Variants in POTEF observed in about 807,000 individuals in gnomAD.
POTEF encodes the protein POTE ankyrin domain family member F.
A neutral mutation model predicts 83.2 loss-of-function variants in POTEF; 20 were observed. The observed-to-expected ratio is 0.24, with a 90% CI of 0.17 to 0.35. The LOEUF (loss-of-function observed/expected upper bound fraction) is 0.35. Ranked by LOEUF, POTEF falls within the 10% of genes least tolerant of loss-of-function variation. The pLI, the probability that POTEF is intolerant of heterozygous loss-of-function variation, is 1.00. For synonymous variants in POTEF, 196 were observed against 446.4 expected, an observed-to-expected ratio of 0.44 and a Z score of 7.07; for missense variants, 550 against 1,203.2, an observed-to-expected ratio of 0.46 and a Z score of 8.03.
chr2:130,101,156 C>T (rs1451219888), intron 9 of POTEF, among the ~76,000 whole-genome samples: 5 of 136,478 alleles, frequency 3.7e-5, no homozygotes, highest in South Asian at 4.6e-4. Context: ...TGAGCCCCTA[C>T]AGTGCACTGA....
At chr2:130,121,441 G>A (rs1278479295) in intron 2 of POTEF, among the ~76,000 whole-genome samples, 275 of 114,390 alleles carry the variant, frequency 2.4e-3, no homozygotes, top group Middle Eastern at 3.9e-3. Context: ...GCAGCTGGGA[G>A]CTCGGGCTGA....
intron 2 of POTEF, among the ~76,000 whole-genome samples, chr2:130,123,478 T>C (rs1423368509): frequency 6.6e-6 from 1 of 152,066 alleles, no homozygotes; most frequent in Non-Finnish European, 1.5e-5. Flanking sequence ...GTCACACAGT[T>C]AATCCAGAAT....
chr2:130,100,934 T>G (rs1449636631), intron 9 of POTEF, among the ~76,000 whole-genome samples: 4 of 148,924 alleles, frequency 2.7e-5, no homozygotes, highest in Non-Finnish European at 5.9e-5. Context: ...ACTGCCACAT[T>G]ACTGGCTTCT....
chr2:130,107,403 C>A (rs1183933708), intron 8 of POTEF, among the ~76,000 whole-genome samples: 2 of 150,852 alleles, frequency 1.3e-5, no homozygotes, highest in Non-Finnish European at 2.9e-5. Flanking sequence ...CTTTTGTGAT[C>A]AAAAATTCCT....
In POTEF at chr2:130,075,108, G is replaced by A. The variant is rs1360818353; in HGVS notation, c.2364C>T (p.His788=). Residue 788 remains histidine (H), a synonymous_variant, in exon 17 of 17, where the codon CAC becomes CAT. Transcript: ENST00000409914. The part of the protein sequence containing the change: ...NWDDMEKIWH[H]TFYNELRVAP... ...CCACACGCAGCTCGTTGTAGAAGGT[G>A]TGGTGCCAGATCTTCTCCATGTCAT... 1 of 1,613,762 alleles carries A rather than the reference G, an allele frequency of 6.2e-7. No homozygotes were observed. The highest frequency in any genetic ancestry group is 1.3e-5 in the African/African-American group (1 of 74,852).
intron 8 of POTEF, 43 bp downstream of exon 8, chr2:130,107,966 T>C (rs569229669): frequency 8.0e-5 from 128 of 1,607,944 alleles, no homozygotes; most frequent in Middle Eastern, 1.9e-4. Context: ...GTCAAAAAGA[T>C]TGGGGACAAC....
At chr2:130,103,126 G>C (rs1684419753) in intron 8 of POTEF, among the ~76,000 whole-genome samples, 1 of 138,922 alleles carries the variant, frequency 7.2e-6, no homozygotes, top group Non-Finnish European at 1.5e-5. Flanking sequence ...TTTTGAGCCA[G>C]GGTCTTGCTC....
intron 2 of POTEF, chr2:130,120,852 A>AAAACGTCAATCCAAGCAGG (rs1179114703): frequency 2.4e-6 from 1 of 410,360 alleles, no homozygotes; most frequent in East Asian, 5.0e-5. Context: ...CACGAGAGAG[A>AAAACGTCAATCCAAGCAGG]AAACGTCAAT....
intron 7 of POTEF, among the ~76,000 whole-genome samples, chr2:130,110,049 A>G (rs1353228356): frequency 3.8e-3 from 552 of 146,864 alleles, no homozygotes; most frequent in African/African-American, 0.014. Flanking sequence ...AACGGAAACA[A>G]CAGAATGATT....
chr2:130,120,388 A>G lies in POTEF; in HGVS notation c.128T>C (p.Val43Ala), dbSNP rs759710265. The G allele has an allele frequency of 2.5e-6, 4 of 1,612,134 alleles. No homozygotes were observed. Among genetic ancestry groups the G allele is most frequent in the East Asian group, 4.5e-5 (2 of 44,798 alleles). ...GTCGTCGTGGTCTCCAGAAGTGCCCACGTTGCTCTTGCCGCTCTCCCTGCA... is the reference window on the plus strand; with the variant it reads ...GTCGTCGTGGTCTCCAGAAGTGCCCGCGTTGCTCTTGCCGCTCTCCCTGCA... ...PCCRESGKSN[V>A]GTSGDHDDSA... Residue 43 changes from valine to alanine, a missense_variant, in exon 3 of 17, where the codon GTG (valine) becomes GCG (alanine). Val to Ala is a moderately conservative substitution (Grantham distance 64). Transcript: ENST00000409914.
intron 5 of POTEF, among the ~76,000 whole-genome samples, chr2:130,114,097 T>G (rs1405218581): frequency 6.6e-6 from 1 of 151,702 alleles, no homozygotes; most frequent in Non-Finnish European, 1.5e-5. Flanking sequence ...TTACTTGATA[T>G]TCCCTCTGCT....
At chr2:130,120,661 G>C (rs1684977099) in intron 2 of POTEF, 53 bp from the exon 3 acceptor site, 9 of 1,469,072 alleles carry the variant, frequency 6.1e-6, no homozygotes, top group Non-Finnish European at 8.3e-6. Flanking sequence ...CCCAGCAGGG[G>C]ATTCCAGCCC....
chr2:130,105,355 A>G (rs1344965355), intron 8 of POTEF, among the ~76,000 whole-genome samples: 11 of 151,070 alleles, frequency 7.3e-5, no homozygotes, highest in South Asian at 6.3e-4. Context: ...AACTTTATGT[A>G]TTTCACTAAG....
At chr2:130,115,685 G>A (rs1684828712) in intron 3 of POTEF, among the ~76,000 whole-genome samples, 1 of 152,158 alleles carries the variant, frequency 6.6e-6, no homozygotes, top group Non-Finnish European at 1.5e-5. Flanking sequence ...CCACTCTAAT[G>A]CTTAAATGAG....
Position 130,075,496 on chromosome 2 carries a change from C to G in POTEF, c.1976G>C (p.Arg659Thr), listed in dbSNP as rs1235567842. Residue 659 changes from arginine (R) to threonine (T), a missense_variant, in exon 17 of 17, where the codon AGA becomes ACA. Coordinates refer to ENST00000409914, the MANE Select transcript of POTEF (RefSeq NM_001099771.2). ...STLREEIAML[R>T]LELDTMKHQS... ...ATGTTTCATTGTGTCTAGCTCCAGT[C>G]TTAGCATGGCAATTTCTTCCCGCAA... 6.2e-7 allele frequency: 1 copy of G among 1,611,306 alleles called. No homozygotes were observed. Among genetic ancestry groups the G allele is most frequent in the East Asian group, 2.2e-5 (1 of 44,856 alleles).
intron 3 of POTEF, among the ~76,000 whole-genome samples, chr2:130,119,227 T>C (rs1023038713): frequency 4.0e-5 from 6 of 151,174 alleles, no homozygotes; most frequent in Admixed American, 2.6e-4. Context: ...GCAGTGGCAC[T>C]ATCTCGGCTC....
intron 2 of POTEF, among the ~76,000 whole-genome samples, chr2:130,127,440 C>G (rs1685125607): frequency 6.7e-6 from 1 of 149,828 alleles, no homozygotes; most frequent in African/African-American, 2.5e-5. Context: ...AGGAGGCCAC[C>G]CTCCAGAGAT....
At chr2:130,122,154 T>C (rs1285277861) in intron 2 of POTEF, among the ~76,000 whole-genome samples, 1 of 144,990 alleles carries the variant, frequency 6.9e-6, no homozygotes, top group Non-Finnish European at 1.5e-5. Context: ...ATTAATATGT[T>C]TTTCTTTTTC....
At position 130,075,284 on chromosome 2, in the gene POTEF, C is replaced by T; in HGVS notation, c.2188G>A (p.Val730Ile). Residue 730 changes from valine to isoleucine, a missense_variant, in exon 17 of 17, where the codon GTC becomes ATC. Transcript: ENST00000409914. ...GFAGDDAPRA[V>I]FPSIVGRPRQ... ...GGGCGCCCCACGATGGAAGGGAAGA[C>T]AGCCCGGGGGGCATCGTCGCCCGCA... 1.9e-6 allele frequency: 3 copies of T among 1,612,624 alleles called. No individual in the cohort carries two copies. Among genetic ancestry groups the T allele is most frequent in the Non-Finnish European group, 2.5e-6 (3 of 1,179,850 alleles).
Sources: gnomAD v4.1 joint callset for allele counts (sites outside exome capture counted in the v4.1 genomes callset) on GRCh38, gnomAD v4.1.1 for gene constraint, MANE v1.5 for transcripts, NCBI Gene and HGNC (gene_info 2026-07-23, HGNC 2026-07-21) for gene names.